The following SVOPL variants were observed in gnomAD, a reference collection of about 807,000 sequenced individuals.
The protein encoded by SVOPL is SVOP like.
Under a neutral mutation model 61.0 loss-of-function variants are expected in SVOPL, and 60 were observed. The observed-to-expected ratio is 0.98, with a 90% CI of 0.80 to 1.22. SVOPL has a LOEUF of 1.22. Among genes scored for constraint, SVOPL ranks in the 50% most tolerant of loss-of-function variants. The pLI is 0.00. For missense variants in SVOPL, 662 were observed against 643.9 expected (o/e 1.03, Z -0.30); for synonymous variants, 279 against 250.0 (o/e 1.12, Z -1.09).
chr7:138,685,856 A>C (rs2117132016), intron 1 of SVOPL, among the ~76,000 whole-genome samples: 1 of 150,434 alleles, frequency 6.6e-6, no homozygotes, highest in Non-Finnish European at 1.5e-5. Context: ...TGGGCAACAG[A>C]GCAAGACTGT....
chr7:138,622,420 A>G (rs1799711344), intron 13 of SVOPL, among the ~76,000 whole-genome samples: 1 of 152,038 alleles, frequency 6.6e-6, no homozygotes, highest in African/African-American at 2.4e-5. Flanking sequence ...TCAGCCTCCC[A>G]AGTAGCTGGG....
intron 8 of SVOPL, among the ~76,000 whole-genome samples, chr7:138,648,280 G>T (rs750776367): frequency 3.1e-4 from 47 of 152,038 alleles, no homozygotes; most frequent in Non-Finnish European, 1.0e-4. Flanking sequence ...AGGGCTGCCC[G>T]CTGGTTGAGA....
At chr7:138,599,141 C>CAAAAAAAAAAAAAAA (rs71520007) in intron 14 of SVOPL, among the ~76,000 whole-genome samples, 1 of 28,146 alleles carries the variant, frequency 3.6e-5, no homozygotes, top group Non-Finnish European at 6.0e-5. Flanking sequence ...GATCCGTCTC[C>CAAAAAAAAAAAAAAA]AAAAAAAAAA....
At chr7:138,622,308 A>ATCTATCTATCTATCTATCTATCTG (rs1563096950) in intron 13 of SVOPL, among the ~76,000 whole-genome samples, 3 of 148,266 alleles carry the variant, frequency 2.0e-5, no homozygotes, top group Admixed American at 6.7e-5. Flanking sequence ...CTATCTATCT[A>ATCTATCTATCTATCTATCTATCTG]TCTATCGACA....
chr7:138,674,176 A>G (rs1368181131), intron 3 of SVOPL, among the ~76,000 whole-genome samples: 1 of 148,348 alleles, frequency 6.7e-6, no homozygotes, highest in East Asian at 2.0e-4. Flanking sequence ...CAACAGAACA[A>G]GACTTCGTCT....
chr7:138,596,127 T>G (rs1403299100), intron 15 of SVOPL, among the ~76,000 whole-genome samples: 1 of 147,798 alleles, frequency 6.8e-6, no homozygotes, highest in Non-Finnish European at 1.5e-5. Flanking sequence ...AGGTGGAGGT[T>G]GCAGTGAGCC....
intron 15 of SVOPL, among the ~76,000 whole-genome samples, chr7:138,595,681 G>A (rs1201761506): frequency 1.3e-5 from 2 of 152,064 alleles, no homozygotes; most frequent in African/African-American, 4.8e-5. Flanking sequence ...TTGTGTCTTA[G>A]TTTCCTCATT....
At chr7:138,690,735 T>C (rs1245846668) in intron 1 of SVOPL, among the ~76,000 whole-genome samples, 1 of 151,956 alleles carries the variant, frequency 6.6e-6, no homozygotes, top group South Asian at 2.1e-4. Context: ...CTTGTGAACA[T>C]ACTCAAGATC....
chr7:138,638,099 C>A (rs1019283714), intron 9 of SVOPL, among the ~76,000 whole-genome samples: 4 of 151,714 alleles, frequency 2.6e-5, no homozygotes, highest in Admixed American at 1.3e-4. Flanking sequence ...CATGGTGAAA[C>A]CCCATCTCTA....
chr7:138,617,612 G>A (rs1249411198), intron 14 of SVOPL, among the ~76,000 whole-genome samples: 1 of 152,086 alleles, frequency 6.6e-6, no homozygotes, highest in Non-Finnish European at 1.5e-5. Context: ...ACTTTGAAAG[G>A]CCAAGGTAGG....
At chr7:138,604,223 T>TA (rs1194396319) in intron 14 of SVOPL, among the ~76,000 whole-genome samples, 1 of 152,204 alleles carries the variant, frequency 6.6e-6, no homozygotes, top group Admixed American at 6.5e-5. Flanking sequence ...TTTGACCTCC[T>TA]AAAGCACTGA....
At chr7:138,700,821 G>C (rs767390878) in intron 1 of SVOPL, among the ~76,000 whole-genome samples, 8 of 152,168 alleles carry the variant, frequency 5.3e-5, no homozygotes, top group Non-Finnish European at 8.8e-5. Context: ...CAATGGGAAA[G>C]TAATCCATGA....
intron 14 of SVOPL, among the ~76,000 whole-genome samples, chr7:138,611,702 A>ACTTTATCTTTCATCCT (rs1384057400): frequency 2.7e-5 from 2 of 74,190 alleles, no homozygotes. Flanking sequence ...CCCTTGAAAG[A>ACTTTATCTTTCATCCT]TAAGACTTTG....
chr7:138,635,791 T>C (rs760676466), intron 9 of SVOPL, among the ~76,000 whole-genome samples: 1 of 152,112 alleles, frequency 6.6e-6, no homozygotes, highest in Non-Finnish European at 1.5e-5. Flanking sequence ...AGGAATCCTA[T>C]CAAAATGGGT....
rs1563140875 is a variant in SVOPL at position 138,693,577 on chromosome 7, A to AAAGAAAGAAAG, written c.-35+7600_-35+7601insCTTTCTTTCTT. 2.7e-3 allele frequency among the ~76,000 whole-genome samples: 209 copies of AAAGAAAGAAAG among 76,104 alleles called. 1 individual carries two copies. Among genetic ancestry groups the AAAGAAAGAAAG allele is most frequent in the Middle Eastern group, 0.02 (3 of 148 alleles). 49.9% of individuals were successfully genotyped at this position (76,104 alleles called of 152,430 possible). Reference sequence around the variant, plus strand: ...AGAAAGAAAGAAAGAAAGAAAGAAAAAAGGAAAGAAAGAAAAAAGGAAAGA... The same window carrying AAAGAAAGAAAG: ...AGAAAGAAAGAAAGAAAGAAAGAAAAAAGAAAGAAAGAAGGAAAGAAAGAAAAAAGGAAAGA... On this transcript the variant is annotated intron_variant, in intron 1 of 15. Coordinates refer to ENST00000674285, the MANE Select transcript of SVOPL (RefSeq NM_001139456.2).
At chr7:138,625,320 A>G (rs1385194349) in intron 13 of SVOPL, 1 of 152,220 alleles carries the variant, frequency 6.6e-6, no homozygotes, top group Admixed American at 6.5e-5. Flanking sequence ...ACTTCCTGCC[A>G]TGAACCTGAA....
intron 15 of SVOPL, 31 bp downstream of exon 15, chr7:138,596,386 A>G: frequency 6.2e-7 from 1 of 1,606,056 alleles, no homozygotes; most frequent in Non-Finnish European, 8.5e-7. Context: ...GTGGTAGTTG[A>G]AAAGACTTCA....
chr7:138,664,325 G>A (rs1277926251), intron 4 of SVOPL: 4 of 769,456 alleles, frequency 5.2e-6, no homozygotes, highest in Non-Finnish European at 6.3e-6. Flanking sequence ...ATCCTCCATC[G>A]GACACACCCC....
At chr7:138,657,967 C>T (rs187659175) in intron 6 of SVOPL, among the ~76,000 whole-genome samples, 1 of 152,266 alleles carries the variant, frequency 6.6e-6, no homozygotes, top group African/African-American at 2.4e-5. Flanking sequence ...TGTAAGCTGT[C>T]CTGGCACCAC....
Sources: allele counts gnomAD v4.1 joint callset (sites outside exome capture counted in the v4.1 genomes callset), GRCh38; gene constraint gnomAD v4.1.1; transcripts MANE v1.5; gene names NCBI Gene and HGNC (gene_info 2026-07-23, HGNC 2026-07-21).